SULF2: variants seen among roughly 807,000 people sequenced by gnomAD.
SULF2 encodes sulfatase 2.
A neutral mutation model predicts 107.7 loss-of-function variants in SULF2; 52 were observed. That is an observed-to-expected ratio of 0.48 (90% confidence interval 0.39 to 0.61). The LOEUF is 0.61. Ranked by LOEUF, SULF2 falls within the 20% of genes least tolerant of loss-of-function variation. The pLI is 0.00. For missense variants in SULF2, 993 were observed against 1,177.3 expected (o/e 0.84, Z 2.29); for synonymous variants, 460 against 464.3 (o/e 0.99, Z 0.12).
At chr20:47,714,698 A>G (rs1027697472) in intron 3 of SULF2, among the ~76,000 whole-genome samples, 1 of 152,102 alleles carries the variant, frequency 6.6e-6, no homozygotes, top group Non-Finnish European at 1.5e-5. Flanking sequence ...GCCATGCCCT[A>G]CAAAGTCCTA....
intron 1 of SULF2, among the ~76,000 whole-genome samples, chr20:47,762,783 G>A (rs778814614): frequency 1.1e-4 from 16 of 152,328 alleles, no homozygotes; most frequent in Admixed American, 8.5e-4. Context: ...GCTGGACTTC[G>A]TTCCTGGCTC....
intron 1 of SULF2, among the ~76,000 whole-genome samples, chr20:47,784,002 G>A (rs2090877267): frequency 6.6e-6 from 1 of 152,184 alleles, no homozygotes; most frequent in African/African-American, 2.4e-5. Context: ...ACCCTCTGGT[G>A]GTTCTGTAAT....
At position 47,757,358 on chromosome 20, in the gene SULF2, G is replaced by GC; in HGVS notation, c.5dup (p.Ser5GlufsTer107). On this transcript the variant is annotated frameshift_variant, in exon 2 of 21. Transcript: ENST00000688720. LOFTEE classifies it high-confidence loss of function. ...GCAAGCACAGCACGAGGCTCGGGGG[G>GC]CCCATCTTCTTTTTTTGCTGATCTG... is the stretch of plus-strand genomic sequence containing the variant. 4 of 1,584,830 alleles carry GC rather than the reference G, an allele frequency of 2.5e-6. No homozygotes were observed. In the African/African-American group the frequency reaches 5.4e-5, roughly 21 times the overall value.
At chr20:47,735,407 T>C (rs1451889606) in intron 3 of SULF2, among the ~76,000 whole-genome samples, 2 of 152,204 alleles carry the variant, frequency 1.3e-5, no homozygotes, top group Admixed American at 1.3e-4. Context: ...CTTTAAAACA[T>C]TTCAAGGCTG....
In SULF2 at chr20:47,696,319, A is replaced by G. The variant is rs569370139; in HGVS notation, c.568-6024T>C. ...TGAGTGTTAGTCATTATTCCTCAAG[A>G]ACCATATGCCTACATTTTCTTTGTG... On this transcript the variant is annotated intron_variant, in intron 4 of 20. Coordinates refer to ENST00000688720, the MANE Select transcript of SULF2 (RefSeq NM_001387048.1). Among the ~76,000 whole-genome samples the G allele has an allele frequency of 2.6e-5, 4 of 152,294 alleles. No homozygotes were observed. The East Asian group carries it at 7.7e-4, about 29-fold the overall frequency.
intron 2 of SULF2, among the ~76,000 whole-genome samples, chr20:47,742,482 G>A (rs1440864917): frequency 6.6e-6 from 1 of 152,148 alleles, no homozygotes; most frequent in East Asian, 1.9e-4. Flanking sequence ...ATGGGCTGGA[G>A]AGGCCTCACC....
chr20:47,732,855 A>G (rs1419893693), intron 3 of SULF2, among the ~76,000 whole-genome samples: 1 of 152,192 alleles, frequency 6.6e-6, no homozygotes, highest in Non-Finnish European at 1.5e-5. Flanking sequence ...AAACAAACAA[A>G]AAAACAAAGA....
chr20:47,662,878 G>A (rs189586203), intron 17 of SULF2, among the ~76,000 whole-genome samples, 192 bp downstream of exon 17: 1 of 152,138 alleles, frequency 6.6e-6, no homozygotes, highest in Non-Finnish European at 1.5e-5. Flanking sequence ...CAAAAAGCAG[G>A]GTGATGGAGG....
At chr20:47,663,745 G>A in intron 15 of SULF2, 123 bp from the exon 16 acceptor site, 1 of 1,140,320 alleles carries the variant, frequency 8.8e-7, no homozygotes. Context: ...CATGGGCATA[G>A]CAATTCAGGG....
At chr20:47,725,959 G>C (rs1711760224) in intron 3 of SULF2, among the ~76,000 whole-genome samples, 2 of 152,208 alleles carry the variant, frequency 1.3e-5, no homozygotes, top group African/African-American at 4.8e-5. Context: ...CTGCTGCTCG[G>C]AGAACAGGAA....
At chr20:47,668,788 C>T (rs578146319) in intron 11 of SULF2, among the ~76,000 whole-genome samples, 5 of 152,152 alleles carry the variant, frequency 3.3e-5, no homozygotes, top group Non-Finnish European at 5.9e-5. Context: ...TGCCTCTCCA[C>T]GCCGGTGACC....
chr20:47,785,133 G>A (rs2090900854), intron 1 of SULF2, among the ~76,000 whole-genome samples: 2 of 151,842 alleles, frequency 1.3e-5, no homozygotes, highest in Admixed American at 6.6e-5. Flanking sequence ...ATCCCTCTGC[G>A]GACGGCCGGC....
chr20:47,690,868 CAAA>C (rs35385474), intron 4 of SULF2, among the ~76,000 whole-genome samples: 1 of 135,416 alleles, frequency 7.4e-6, no homozygotes. Flanking sequence ...GACTCTGACT[CAAA>C]AAAAAAAAAA....
chr20:47,767,271 C>T (rs1173624559), intron 1 of SULF2, among the ~76,000 whole-genome samples: 2 of 152,190 alleles, frequency 1.3e-5, no homozygotes, highest in African/African-American at 4.8e-5. Flanking sequence ...CAGCAAGTGC[C>T]CAATAAATGC....
intron 1 of SULF2, among the ~76,000 whole-genome samples, chr20:47,771,522 C>T (rs1364598236): frequency 6.6e-6 from 1 of 152,126 alleles, no homozygotes; most frequent in Non-Finnish European, 1.5e-5. Context: ...GGGAAAAAGG[C>T]CCCAACCTCC....
chr20:47,765,223 C>T (rs1428449882), intron 1 of SULF2, among the ~76,000 whole-genome samples: 17 of 151,904 alleles, frequency 1.1e-4, no homozygotes, highest in African/African-American at 3.1e-4. Context: ...GGCGTGGTGG[C>T]GGGCGCCTGT....
At chr20:47,675,313 C>T (rs902307374) in intron 10 of SULF2, among the ~76,000 whole-genome samples, 6 of 152,136 alleles carry the variant, frequency 3.9e-5, no homozygotes, top group Admixed American at 3.3e-4. Flanking sequence ...TGAGCATGTT[C>T]GAGGCTGTGG....
chr20:47,685,465 T>C (rs1178592059), intron 5 of SULF2: 2 of 152,334 alleles, frequency 1.3e-5, no homozygotes, highest in Non-Finnish European at 2.9e-5. Context: ...GACCTCGTCA[T>C]CTGCCCACCT....
chr20:47,701,353 C>T (rs373982190), intron 4 of SULF2, among the ~76,000 whole-genome samples: 5 of 152,092 alleles, frequency 3.3e-5, no homozygotes, highest in South Asian at 2.1e-4. Flanking sequence ...AATGGATGCA[C>T]GCATATGTGG....
Sources: allele counts gnomAD v4.1 joint callset (sites outside exome capture counted in the v4.1 genomes callset), GRCh38; gene constraint gnomAD v4.1.1; transcripts MANE v1.5; gene names NCBI Gene and HGNC (gene_info 2026-07-23, HGNC 2026-07-21).